KIFBP: variants seen among roughly 807,000 people sequenced by gnomAD.
The protein encoded by KIFBP is KIF-binding protein.
Under a neutral mutation model 58.9 loss-of-function variants are expected in KIFBP, and 46 were observed. The observed-to-expected ratio is 0.78, with a 90% CI of 0.62 to 1.00. KIFBP has a LOEUF of 1.00. Ranked by LOEUF, KIFBP falls within the 50% of genes least tolerant of loss-of-function variation. The pLI, the probability that KIFBP is intolerant of heterozygous loss-of-function variation, is 0.00. For synonymous variants in KIFBP, 241 were observed against 283.4 expected (o/e 0.85, Z 1.50); for missense variants, 651 against 752.9 (o/e 0.86, Z 1.58).
At chr10:69,000,547 T>A in intron 2 of KIFBP, 25 bp downstream of exon 2, 1 of 1,358,318 alleles carries the variant, frequency 7.4e-7, no homozygotes, top group Non-Finnish European at 1.1e-6. Flanking sequence ...AGATGAGTTT[T>A]AAGTTTTGAT....
In KIFBP at chr10:69,005,098, AACTT is replaced by A; in HGVS notation, c.582_585del (p.Thr195AsnfsTer19). On this transcript the variant is annotated frameshift_variant, in exon 3 of 7. Transcript: ENST00000361983. LOFTEE classifies it high-confidence loss of function. ...GAGCGTTTTCTTCCTGAAGAAGAGAAACTTACTGAACAAGAGAGATCAAAAAGGT... is the reference window on the plus strand; with the variant it reads ...GAGCGTTTTCTTCCTGAAGAAGAGAAACTGAACAAGAGAGATCAAAAAGGT... The A allele has an allele frequency of 6.2e-7, 1 of 1,613,224 alleles. No individual in the cohort carries two copies. The highest frequency in any genetic ancestry group is 8.5e-7 in the Non-Finnish European group (1 of 1,179,222).
At chr10:68,992,189 C>CA (rs1843355924) in intron 1 of KIFBP, among the ~76,000 whole-genome samples, 1 of 152,036 alleles carries the variant, frequency 6.6e-6, no homozygotes, top group Non-Finnish European at 1.5e-5. Flanking sequence ...GACGGTGTTT[C>CA]ACCATGTTGC....
intron 1 of KIFBP, among the ~76,000 whole-genome samples, chr10:68,995,882 G>A (rs1843397628): frequency 6.6e-6 from 1 of 152,192 alleles, no homozygotes; most frequent in South Asian, 2.1e-4. Context: ...TAAAGGCTGG[G>A]CACGGTACCT....
rs55852817 is a variant in KIFBP at position 68,998,772 on chromosome 10, T to TATATATA, written c.427-1652_427-1651insATATATA. On this transcript the variant is annotated intron_variant, in intron 1 of 6. Transcript: ENST00000361983. Reference sequence around the variant, plus strand: ...ATACATATATGTATATATATATATATTTTTTTTTTTTTTTTTTTTTTGAGA... The same window carrying TATATATA: ...ATACATATATGTATATATATATATATATATATATTTTTTTTTTTTTTTTTTTTTGAGA... Among the ~76,000 whole-genome samples, 560 of 63,398 alleles carry TATATATA rather than the reference T, an allele frequency of 8.8e-3. 1 individual carries two copies. Among genetic ancestry groups the TATATATA allele is most frequent in the African/African-American group, 0.019 (361 of 18,696 alleles). 41.6% of individuals were successfully genotyped at this position (63,398 alleles called of 152,430 possible).
At chr10:69,008,966 A>T (rs1361289142) in intron 5 of KIFBP, 41 bp downstream of exon 5, 1 of 1,512,774 alleles carries the variant, frequency 6.6e-7, no homozygotes, top group African/African-American at 1.4e-5. Flanking sequence ...TTTTAAAAAA[A>T]GTTTTATTTT....
intron 2 of KIFBP, among the ~76,000 whole-genome samples, chr10:69,002,281 T>C (rs1010824938): frequency 3.3e-5 from 5 of 151,756 alleles, no homozygotes; most frequent in Admixed American, 2.6e-4. Context: ...TGCCTCAGCC[T>C]CCCAAGTGGC....
In KIFBP at chr10:68,993,366, T is replaced by G. The variant is rs116625771; in HGVS notation, c.426+4108T>G. Among the ~76,000 whole-genome samples the G allele has an allele frequency of 3.2e-3, 486 of 152,318 alleles. 6 individuals carry two copies. The highest frequency in any genetic ancestry group is 0.011 in the African/African-American group (454 of 41,568). On this transcript the variant is annotated intron_variant, in intron 1 of 6. Transcript: ENST00000361983. ...TTTTCTCTTTTCTACTGACCTTGCT[T>G]GGTTCTCCCTTGTGGGTTAGTAATT... is the stretch of plus-strand genomic sequence containing the variant.
chr10:68,997,961 C>T (rs945599590), intron 1 of KIFBP, among the ~76,000 whole-genome samples: 3 of 151,806 alleles, frequency 2.0e-5, no homozygotes, highest in Non-Finnish European at 4.4e-5. Flanking sequence ...AATCTGAAAC[C>T]ATGAAACCAT....
At chr10:68,996,650 C>T (rs1014868756) in intron 1 of KIFBP, among the ~76,000 whole-genome samples, 7 of 151,732 alleles carry the variant, frequency 4.6e-5, no homozygotes, top group Non-Finnish European at 7.4e-5. Flanking sequence ...GTCAGCAGTT[C>T]GAGACCAGCC....
At chr10:69,002,782 G>A (rs985657150) in intron 2 of KIFBP, among the ~76,000 whole-genome samples, 2 of 151,952 alleles carry the variant, frequency 1.3e-5, no homozygotes, top group Non-Finnish European at 2.9e-5. Context: ...CAGCTACTTC[G>A]GGGGCTGAGG....
At chr10:69,012,623 G>A (rs139546002) in intron 6 of KIFBP, among the ~76,000 whole-genome samples, 2,407 of 152,030 alleles carry the variant, frequency 0.016, 27 homozygotes, top group Non-Finnish European at 0.025. Flanking sequence ...CAGGTACAGC[G>A]CCTCATGCCT....
chr10:69,003,036 C>T (rs1236859074), intron 2 of KIFBP, among the ~76,000 whole-genome samples: 4 of 118,244 alleles, frequency 3.4e-5, no homozygotes, highest in Non-Finnish European at 4.9e-5. Context: ...AGCAAGAACC[C>T]GTCTTTACAA....
chr10:68,992,966 A>G (rs1223263440), intron 1 of KIFBP, among the ~76,000 whole-genome samples: 1 of 152,124 alleles, frequency 6.6e-6, no homozygotes, highest in Non-Finnish European at 1.5e-5. Flanking sequence ...ACCTCCACAG[A>G]GAGCATGTGG....
rs1333565207 is a variant in KIFBP, at chr10:69,015,653, G to A, written c.1103G>A (p.Gly368Asp). The A allele has an allele frequency of 3.1e-6, 5 of 1,614,088 alleles. No individual in the cohort carries two copies. The highest frequency in any genetic ancestry group is 1.7e-5 in the Admixed American group (1 of 59,990). Residue 368 changes from glycine to aspartate, a missense_variant, in exon 7 of 7, where the codon GGT (glycine) becomes GAT (aspartate). Physicochemically the swap from Gly to Asp is moderately conservative, Grantham distance 94 (BLOSUM62 -1). Coordinates refer to ENST00000361983, the MANE Select transcript of KIFBP (RefSeq NM_015634.4). Reference sequence around the variant, plus strand: ...AAAAAAGCTGTGCAGTTTGGAACCGGTGAACTGTGTGATGCCATCTCTGCA... The same window carrying A: ...AAAAAAGCTGTGCAGTTTGGAACCGATGAACTGTGTGATGCCATCTCTGCA... ...IRKKAVQFGT[G>D]ELCDAISAVE...
chr10:68,990,273 T>G (rs1261955259), intron 1 of KIFBP, among the ~76,000 whole-genome samples: 1 of 152,224 alleles, frequency 6.6e-6, no homozygotes, highest in Non-Finnish European at 1.5e-5. Context: ...CTCCCATCTG[T>G]AATCCCAGCA....
chr10:69,007,483 G>T (rs1456424142), intron 4 of KIFBP: 1 of 152,140 alleles, frequency 6.6e-6, no homozygotes, highest in African/African-American at 2.4e-5. Flanking sequence ...TTCTAGCAGT[G>T]GTTGCTCACA....
intron 1 of KIFBP, among the ~76,000 whole-genome samples, chr10:68,990,836 T>TA (rs1323383250): frequency 6.6e-6 from 1 of 151,804 alleles, no homozygotes; most frequent in Non-Finnish European, 1.5e-5. Flanking sequence ...AGGAAAACAA[T>TA]ATAAATGTCA....
chr10:68,999,424 T>A (rs2245565), intron 1 of KIFBP, among the ~76,000 whole-genome samples: 1 of 151,262 alleles, frequency 6.6e-6, no homozygotes, highest in Non-Finnish European at 1.5e-5. Flanking sequence ...AAAAAAAAAG[T>A]TCTCTGGAAG....
intron 1 of KIFBP, among the ~76,000 whole-genome samples, chr10:68,990,280 A>G (rs1289966688): frequency 6.6e-6 from 1 of 152,208 alleles, no homozygotes; most frequent in African/African-American, 2.4e-5. Flanking sequence ...CTGTAATCCC[A>G]GCATTTTGGG....
Sources: allele counts gnomAD v4.1 joint callset (sites outside exome capture counted in the v4.1 genomes callset), GRCh38; gene constraint gnomAD v4.1.1; transcripts MANE v1.5; gene names NCBI Gene and HGNC (gene_info 2026-07-23, HGNC 2026-07-21).